Variants in RALGAPB observed in about 807,000 individuals in gnomAD.
RALGAPB encodes Ral GTPase activating protein non-catalytic subunit beta.
A neutral mutation model predicts 161.1 loss-of-function variants in RALGAPB; 25 were observed. That is an observed-to-expected ratio of 0.16 (90% CI 0.11 to 0.22). The LOEUF (loss-of-function observed/expected upper bound fraction) is 0.22. Among genes scored for constraint, RALGAPB ranks in the 10% least tolerant of loss-of-function variants. RALGAPB has a pLI of 1.00. For synonymous variants in RALGAPB, 629 were observed against 626.1 expected (o/e 1.00, Z -0.07); for missense variants, 1,391 against 1,815.2 (o/e 0.77, Z 4.25).
chr20:38,574,739 T>G (rs1306493212), intron 29 of RALGAPB, 35 bp from the exon 30 acceptor site: 1 of 1,576,154 alleles, frequency 6.3e-7, no homozygotes, highest in Non-Finnish European at 8.7e-7. Flanking sequence ...AGTGACTAGT[T>G]TCTAACGTTT....
At chr20:38,564,255 C>G (rs2087901525) in intron 24 of RALGAPB, among the ~76,000 whole-genome samples, 2 of 152,186 alleles carry the variant, frequency 1.3e-5, no homozygotes, top group Admixed American at 1.3e-4. Context: ...TTTATTGGAA[C>G]TCGGTCACAC....
intron 5 of RALGAPB, among the ~76,000 whole-genome samples, chr20:38,506,933 A>G (rs1460095993): frequency 6.6e-6 from 1 of 152,236 alleles, no homozygotes; most frequent in African/African-American, 2.4e-5. Flanking sequence ...ATCACAGAGA[A>G]CATGAATATT....
intron 24 of RALGAPB, among the ~76,000 whole-genome samples, chr20:38,563,944 A>C (rs2087887608): frequency 6.6e-6 from 1 of 152,194 alleles, no homozygotes. Context: ...CCTGAAGAGG[A>C]GAGATTAGCC....
At chr20:38,475,245 G>A (rs1276497499) in intron 1 of RALGAPB, among the ~76,000 whole-genome samples, 1 of 152,210 alleles carries the variant, frequency 6.6e-6, no homozygotes, top group African/African-American at 2.4e-5. Flanking sequence ...GTAAATACAA[G>A]CAGATGGGAT....
At chr20:38,574,411 A>C in intron 29 of RALGAPB, 113 bp downstream of exon 29, 1 of 1,203,946 alleles carries the variant, frequency 8.3e-7, no homozygotes, top group East Asian at 2.5e-5. Context: ...TTCCACATGT[A>C]GGAAATGGTA....
chr20:38,520,038 A>G (rs1285271516), intron 9 of RALGAPB, among the ~76,000 whole-genome samples: 1 of 152,170 alleles, frequency 6.6e-6, no homozygotes. Flanking sequence ...ATTGTTTTGC[A>G]TGATACAAAA....
chr20:38,521,762 G>C, intron 10 of RALGAPB, 64 bp downstream of exon 10: 1 of 1,545,184 alleles, frequency 6.5e-7, no homozygotes, highest in South Asian at 1.2e-5. Context: ...TTGTTGGTTG[G>C]CCGACTGAAC....
At chr20:38,476,195 A>G (rs1418550853) in intron 1 of RALGAPB, among the ~76,000 whole-genome samples, 1 of 152,190 alleles carries the variant, frequency 6.6e-6, no homozygotes, top group Non-Finnish European at 1.5e-5. Flanking sequence ...TGCTCAGAGA[A>G]CAAAAGTGAC....
intron 11 of RALGAPB, 86 bp from the exon 12 acceptor site, chr20:38,525,318 T>C: frequency 2.3e-6 from 2 of 880,412 alleles, no homozygotes; most frequent in Non-Finnish European, 3.7e-6. Context: ...TGCTTGGATT[T>C]GGAAAAATTG....
At chr20:38,509,414 T>G (rs762605206) in intron 6 of RALGAPB, among the ~76,000 whole-genome samples, 20 of 152,216 alleles carry the variant, frequency 1.3e-4, no homozygotes, top group Admixed American at 2.6e-4. Context: ...CAGCCGCTCT[T>G]GGTTTACACG....
In RALGAPB at chr20:38,570,780, C is replaced by A. The variant is rs764158594; in HGVS notation, c.4075C>A (p.Leu1359Ile). The change falls in exon 28 of 30, where the codon CTC becomes ATC. Residue 1359 changes from leucine (L) to isoleucine (I), a missense_variant. Leu to Ile is a conservative substitution (Grantham distance 5, BLOSUM62 2). This residue lies in a region of RALGAPB where 436 missense variants were observed against 527.0 expected (regional missense o/e 0.83). Coordinates refer to ENST00000262879, the MANE Select transcript of RALGAPB (RefSeq NM_020336.4). ...ERYDDIENFP[L>I]SELMTEISTG... is the part of the protein sequence containing the mutation. Reference sequence around the variant, plus strand: ...TTATTTTCTTCCAGAAAACTTTCCCCTCTCAGAGCTGATGACAGAGATCAG... The same window carrying A: ...TTATTTTCTTCCAGAAAACTTTCCCATCTCAGAGCTGATGACAGAGATCAG... 1 of 1,603,352 alleles carries A rather than the reference C, an allele frequency of 6.2e-7. No homozygotes were observed. The highest frequency in any genetic ancestry group is 1.1e-5 in the South Asian group (1 of 90,494).
chr20:38,473,211 A>G (rs1320362490), intron 1 of RALGAPB, 142 bp downstream of exon 1: 1 of 298,296 alleles, frequency 3.4e-6, no homozygotes, highest in Non-Finnish European at 6.1e-6. Context: ...CTCATCTGCA[A>G]ATTTTTGGGA....
intron 3 of RALGAPB, among the ~76,000 whole-genome samples, chr20:38,496,830 G>T (rs1453599106): frequency 6.6e-6 from 1 of 152,136 alleles, no homozygotes; most frequent in Non-Finnish European, 1.5e-5. Flanking sequence ...TAATTTTGGG[G>T]ACCTATTAGG....
chr20:38,514,456 C>T (rs193237557), intron 6 of RALGAPB, among the ~76,000 whole-genome samples: 217 of 152,296 alleles, frequency 1.4e-3, no homozygotes, highest in Middle Eastern at 6.8e-3. Context: ...AAATTATCTT[C>T]GTTAATTAGG....
chr20:38,500,481 A>G (rs1009842661), intron 5 of RALGAPB, among the ~76,000 whole-genome samples: 1 of 152,144 alleles, frequency 6.6e-6, no homozygotes, highest in Non-Finnish European at 1.5e-5. Flanking sequence ...TAACTGATCA[A>G]TGTTGTTTGT....
Position 38,578,264 on chromosome 20 carries a change from G to A in RALGAPB, c.*3297G>A, listed in dbSNP as rs916654748. The A allele has an allele frequency of 3.3e-5, 5 of 152,216 alleles. No homozygotes were observed. Among genetic ancestry groups the A allele is most frequent in the African/African-American group, 9.6e-5 (4 of 41,456 alleles). 9.4% of individuals were successfully genotyped at this position (152,216 alleles called of 1,614,324 possible). ...CCTCTTTTCCTGAGTTGGAGAGATT[G>A]GAGGTGGTCTATCCGTACGATGTGG... On this transcript the variant is annotated 3_prime_UTR_variant, in exon 30 of 30. Coordinates refer to ENST00000262879, the MANE Select transcript of RALGAPB (RefSeq NM_020336.4).
At chr20:38,572,388 G>A (rs930781228) in intron 28 of RALGAPB, among the ~76,000 whole-genome samples, 12 of 152,060 alleles carry the variant, frequency 7.9e-5, no homozygotes, top group African/African-American at 1.2e-4. Flanking sequence ...TTTACTAGTG[G>A]GATAAAATAG....
intron 1 of RALGAPB, among the ~76,000 whole-genome samples, chr20:38,484,272 C>T: frequency 6.6e-6 from 1 of 152,178 alleles, no homozygotes. Flanking sequence ...TTGCCTTCAT[C>T]CCTTTTTTCC....
At chr20:38,574,094 G>C in intron 28 of RALGAPB, 56 bp from the exon 29 acceptor site, 1 of 1,507,082 alleles carries the variant, frequency 6.6e-7, no homozygotes, top group Admixed American at 2.1e-5. Flanking sequence ...CAACTCTTGG[G>C]TGTCTCGGGG....
Sources: allele counts gnomAD v4.1 joint callset (sites outside exome capture counted in the v4.1 genomes callset), GRCh38; gene constraint gnomAD v4.1.1; regional missense constraint gnomAD v4.1.1; transcripts MANE v1.5; gene names NCBI Gene and HGNC (gene_info 2026-07-23, HGNC 2026-07-21).